Variants in VPS26C observed in about 807,000 individuals in gnomAD.
VPS26C encodes the protein VPS26 endosomal protein sorting factor C.
VPS26C carries 19 observed loss-of-function variants against 30.6 expected under a neutral mutation model. That is an observed-to-expected ratio of 0.62 (90% CI 0.43 to 0.91). The LOEUF (loss-of-function observed/expected upper bound fraction) is 0.91, where lower values mean the gene tolerates loss of function less well. Ranked by LOEUF, VPS26C falls within the 40% of genes least tolerant of loss-of-function variation. The pLI is 0.00. For missense variants in VPS26C, 318 were observed against 385.1 expected (o/e 0.83, Z 1.46); for synonymous variants, 132 against 151.5 (o/e 0.87, Z 0.95).
chr21:37,267,958 C>G (rs533143152), upstream of VPS26C: 1 of 152,616 alleles, frequency 6.6e-6, no homozygotes, highest in African/African-American at 2.4e-5. Flanking sequence ...GCGGCCCCTG[C>G]GTGCTAGTCC....
At chr21:37,262,956 G>A (rs932589565) in intron 1 of VPS26C, among the ~76,000 whole-genome samples, 1 of 151,972 alleles carries the variant, frequency 6.6e-6, no homozygotes, top group Non-Finnish European at 1.5e-5. Context: ...GTAGAGATGA[G>A]GTTTCGCCAC....
At chr21:37,237,953 GACA>G (rs1319164104) in intron 3 of VPS26C, among the ~76,000 whole-genome samples, 3 of 152,192 alleles carry the variant, frequency 2.0e-5, no homozygotes, top group Non-Finnish European at 4.4e-5. Context: ...CTGCTCCTGA[GACA>G]ACAACAGCAG....
chr21:37,251,169 G>A (rs1049915088), intron 1 of VPS26C, among the ~76,000 whole-genome samples: 1 of 152,160 alleles, frequency 6.6e-6, no homozygotes, highest in African/African-American at 2.4e-5. Flanking sequence ...ACCTCGTGCC[G>A]GCTATTTGGC....
rs140174978 is a variant in VPS26C, at chr21:37,244,663, C to T, written c.58-4024G>A. ...AAATAGTGGCATCAAGTCCGCGACC[C>T]CTCTTGGCTTCCTGGAAATCACCCA... On this transcript the variant is annotated intron_variant, in intron 1 of 7. Transcript: ENST00000309117. 8.3e-4 allele frequency among the ~76,000 whole-genome samples: 127 copies of T among 152,322 alleles called. 1 individual carries two copies. The highest frequency in any genetic ancestry group is 3.0e-3 in the African/African-American group (126 of 41,562).
chr21:37,225,757 C>T, intron 7 of VPS26C, 131 bp from the exon 8 acceptor site: 1 of 709,760 alleles, frequency 1.4e-6, no homozygotes, highest in Non-Finnish European at 2.5e-6. Flanking sequence ...TCATTGCTGT[C>T]CCCTCAGCGC....
In VPS26C at chr21:37,228,265, T is replaced by G. The variant is rs755416209; in HGVS notation, c.616A>C (p.Ile206Leu). 21 of 1,612,430 alleles carry G rather than the reference T, an allele frequency of 1.3e-5. No homozygotes were observed. The highest frequency in any genetic ancestry group is 4.2e-6 in the Non-Finnish European group (5 of 1,179,490). ...ELVVESSEAA[I>L]RSVELQLVRV... ...ACCAGCTGCAGCTCCACGCTTCTGATGGCGGCTTCCGAGCTCTCCACCACC... is the reference window on the plus strand; with the variant it reads ...ACCAGCTGCAGCTCCACGCTTCTGAGGGCGGCTTCCGAGCTCTCCACCACC... Residue 206 changes from isoleucine (I) to leucine (L), a missense_variant, in exon 6 of 8, where the codon ATC (isoleucine) becomes CTC (leucine). Coordinates refer to ENST00000309117, the MANE Select transcript of VPS26C (RefSeq NM_006052.2).
rs147935070 is a variant in VPS26C, at chr21:37,230,008, G to A, written c.508-1635C>T. On this transcript the variant is annotated intron_variant, in intron 5 of 7. Coordinates refer to ENST00000309117, the MANE Select transcript of VPS26C (RefSeq NM_006052.2). ...AAGCCTCCCTAGTAGCTGGGACTACGATCGCATGCCACCACACCCAGCTAA... is the reference window on the plus strand; with the variant it reads ...AAGCCTCCCTAGTAGCTGGGACTACAATCGCATGCCACCACACCCAGCTAA... Among the ~76,000 whole-genome samples, 386 of 152,232 alleles carry A rather than the reference G, an allele frequency of 2.5e-3. 2 individuals are homozygous for A. Among genetic ancestry groups the A allele is most frequent in the South Asian group, 0.016 (79 of 4,824 alleles).
rs1303796145 is a variant in VPS26C at position 37,257,506 on chromosome 21, G to A, written c.57+9732C>T. Among the ~76,000 whole-genome samples the A allele has an allele frequency of 6.6e-6, 1 of 152,240 alleles. No individual in the cohort carries two copies. Among genetic ancestry groups the A allele is most frequent in the Non-Finnish European group, 1.5e-5 (1 of 68,046 alleles). ...TTAAACCTAGAAAAGTAACTGGGTT[G>A]GGGTGGGGGTGTAGCCACATGCAGT... On this transcript the variant is annotated intron_variant, in intron 1 of 7. Transcript: ENST00000309117. This position sits in a 1 kb window ranked among gnomAD's most constrained non-coding sequence, Gnocchi z 4.2.
chr21:37,245,613 T>G (rs1188396189), intron 1 of VPS26C, among the ~76,000 whole-genome samples: 2 of 152,336 alleles, frequency 1.3e-5, no homozygotes, highest in East Asian at 3.9e-4. Context: ...CCTATTTTAT[T>G]TATTGTCTGT....
In VPS26C at chr21:37,228,429, C is replaced by T. The variant is rs146039058; in HGVS notation, c.508-56G>A. ...ATGCAGGCAAGGGGGGAAAGTGCTC[C>T]ATACTTTGGTGCAAATAAAACCTGG... On this transcript the variant is annotated intron_variant, in intron 5 of 7. Transcript: ENST00000309117. The T allele has an allele frequency of 7.5e-4, 1,192 of 1,588,304 alleles. 1 individual carries two copies. The highest frequency in any genetic ancestry group is 9.7e-4 in the Non-Finnish European group (1,124 of 1,164,160).
chr21:37,232,525 C>A, intron 4 of VPS26C, 74 bp from the exon 5 acceptor site: 4 of 1,303,406 alleles, frequency 3.1e-6, no homozygotes, highest in Non-Finnish European at 4.4e-6. Context: ...TTTTCCCTTT[C>A]AAAAATAAAC....
intron 1 of VPS26C, among the ~76,000 whole-genome samples, chr21:37,262,247 A>G (rs3787800): frequency 0.87 from 132,191 of 152,190 alleles, 57,611 homozygotes; most frequent in African/African-American, 0.92. Context: ...ATGTCTGCAA[A>G]CTCTTCTTCA....
At chr21:37,230,619 T>G (rs1395142724) in intron 5 of VPS26C, 1 of 152,270 alleles carries the variant, frequency 6.6e-6, no homozygotes, top group Non-Finnish European at 1.5e-5. Context: ...TTCTTCGTGT[T>G]TACAAATAAA....
At chr21:37,267,213 A>AAAAC in intron 1 of VPS26C, 25 bp downstream of exon 1, 4 of 415,808 alleles carry the variant, frequency 9.6e-6, no homozygotes, top group Non-Finnish European at 1.4e-5. Flanking sequence ...CCCCACCTCC[A>AAAAC]TCCCCACCCC....
chr21:37,242,760 C>T (rs969266891), intron 1 of VPS26C, among the ~76,000 whole-genome samples: 4 of 152,154 alleles, frequency 2.6e-5, no homozygotes, highest in African/African-American at 7.2e-5. Flanking sequence ...GTCAGTCTCA[C>T]GGGAACAGGT....
Position 37,255,851 on chromosome 21 carries a change from A to ATTT in VPS26C, c.57+11384_57+11386dup, listed in dbSNP as rs375877407. On this transcript the variant is annotated intron_variant, in intron 1 of 7. Transcript: ENST00000309117. ...TTTAAAGCCTCATTCTATGCACTGCATTTTTTTTTTTTTTTTTTTTTAGAT... is the reference window on the plus strand; with the variant it reads ...TTTAAAGCCTCATTCTATGCACTGCATTTTTTTTTTTTTTTTTTTTTTTTAGAT... Among the ~76,000 whole-genome samples, 12 of 108,462 alleles carry ATTT rather than the reference A, an allele frequency of 1.1e-4. 1 individual carries two copies. Among genetic ancestry groups the ATTT allele is most frequent in the African/African-American group, 4.6e-4 (10 of 21,888 alleles). 71.2% of individuals were successfully genotyped at this position (108,462 alleles called of 152,430 possible).
At chr21:37,243,894 T>C (rs2148295299) in intron 1 of VPS26C, among the ~76,000 whole-genome samples, 1 of 152,222 alleles carries the variant, frequency 6.6e-6, no homozygotes, top group East Asian at 1.9e-4. Context: ...ACGGAGTTCA[T>C]ATCCAGGGTC....
intron 3 of VPS26C, 188 bp downstream of exon 3, chr21:37,238,272 A>T: frequency 3.1e-6 from 2 of 640,950 alleles, no homozygotes; most frequent in Non-Finnish European, 5.0e-6. Context: ...TCCCATCAGA[A>T]ATAACGGCCA....
chr21:37,241,530 G>A (rs1390392776), intron 1 of VPS26C, among the ~76,000 whole-genome samples: 3 of 152,112 alleles, frequency 2.0e-5, no homozygotes, highest in East Asian at 3.9e-4. Flanking sequence ...AGAACAACAC[G>A]TCTCAGGCTG....
Sources: allele counts gnomAD v4.1 joint callset (sites outside exome capture counted in the v4.1 genomes callset), GRCh38; gene constraint gnomAD v4.1.1; non-coding constraint Gnocchi (gnomAD v3.1); transcripts MANE v1.5; gene names NCBI Gene and HGNC (gene_info 2026-07-23, HGNC 2026-07-21).